The following MYCBP2 variants were observed in gnomAD, a reference collection of about 807,000 sequenced individuals.
MYCBP2 encodes E3 ubiquitin-protein ligase MYCBP2.
MYCBP2 carries 120 observed loss-of-function variants against 525.3 expected under a neutral mutation model. The ratio of observed to expected loss-of-function variants is 0.23; its 90% CI spans 0.20 to 0.27. The LOEUF (loss-of-function observed/expected upper bound fraction) is 0.27. Among genes scored for constraint, MYCBP2 ranks in the 10% least tolerant of loss-of-function variants. The probability of loss-of-function intolerance (pLI) is 1.00; values close to 1 mark genes in which losing one functional copy is unlikely to be tolerated. For synonymous variants in MYCBP2, 1,894 were observed against 1,955.8 expected (o/e 0.97, Z 0.83); for missense variants, 4,149 against 5,657.1 (o/e 0.73, Z 8.55).
chr13:77,217,623 T>A (rs2065003968), intron 21 of MYCBP2, among the ~76,000 whole-genome samples: 1 of 152,122 alleles, frequency 6.6e-6, no homozygotes, highest in Admixed American at 6.5e-5. Flanking sequence ...AGCTGTTAAA[T>A]TCAATAAATT....
intron 40 of MYCBP2, among the ~76,000 whole-genome samples, chr13:77,166,976 T>TACACACACAC (rs539593054): frequency 3.9e-5 from 5 of 127,142 alleles, no homozygotes; most frequent in African/African-American, 1.6e-4. Context: ...AACACACACA[T>TACACACACAC]ACACACACAC....
Position 77,208,392 on chromosome 13 carries a change from A to G in MYCBP2, c.3417-1567T>C, listed in dbSNP as rs74679458. Among the ~76,000 whole-genome samples, 254 of 152,354 alleles carry G rather than the reference A, an allele frequency of 1.7e-3. 4 individuals carry two copies. The highest frequency in any genetic ancestry group is 5.4e-3 in the African/African-American group (225 of 41,580). ...TGCAGAAATACTTCCACATGTGTGT[A>G]AAACTCTGTGTGTAGATACCTGTGT... On this transcript the variant is annotated intron_variant, in intron 23 of 82. Transcript: ENST00000544440.
intron 49 of MYCBP2, 104 bp from the exon 50 acceptor site, chr13:77,141,047 C>A: frequency 1.3e-6 from 1 of 770,464 alleles, no homozygotes; most frequent in Non-Finnish European, 2.1e-6. Context: ...AAAATTAACA[C>A]AAATATCTGA....
At chr13:77,275,834 A>G (rs2075487755) in intron 4 of MYCBP2, among the ~76,000 whole-genome samples, 1 of 152,158 alleles carries the variant, frequency 6.6e-6, no homozygotes. Context: ...AAATACAAAA[A>G]TTAGCCGGGC....
intron 36 of MYCBP2, among the ~76,000 whole-genome samples, 155 bp from the exon 37 acceptor site, chr13:77,174,644 C>T (rs1387955795): frequency 1.3e-5 from 2 of 151,536 alleles, no homozygotes; most frequent in African/African-American, 4.9e-5. Flanking sequence ...AACACGATGA[C>T]GGCTAACATT....
chr13:77,277,185 G>A (rs1359569726), intron 4 of MYCBP2, among the ~76,000 whole-genome samples: 1 of 152,092 alleles, frequency 6.6e-6, no homozygotes, highest in Non-Finnish European at 1.5e-5. Flanking sequence ...GTCTTCGCGG[G>A]TATTTCAACA....
intron 1 of MYCBP2, among the ~76,000 whole-genome samples, chr13:77,323,216 C>T (rs1256614700): frequency 6.6e-6 from 1 of 152,154 alleles, no homozygotes; most frequent in Admixed American, 6.5e-5. Context: ...AATGACAAAA[C>T]CAGGATGCAA....
intron 74 of MYCBP2, among the ~76,000 whole-genome samples, chr13:77,062,328 AATTTTGATATG>A (rs1475523942): frequency 6.6e-6 from 1 of 152,184 alleles, no homozygotes; most frequent in Non-Finnish European, 1.5e-5. Flanking sequence ...GCTAAAAATA[AATTTTGATATG>A]ATGCAAACAT....
intron 82 of MYCBP2, among the ~76,000 whole-genome samples, chr13:77,047,919 T>A (rs2035915724): frequency 6.6e-6 from 1 of 152,026 alleles, no homozygotes; most frequent in Non-Finnish European, 1.5e-5. Flanking sequence ...CACGGGAGCA[T>A]CCTGTTTGGG....
At chr13:77,171,336 G>A (rs2059125015) in intron 38 of MYCBP2, among the ~76,000 whole-genome samples, 156 bp downstream of exon 38, 1 of 152,190 alleles carries the variant, frequency 6.6e-6, no homozygotes, top group African/African-American at 2.4e-5. Flanking sequence ...AGTATGGAGA[G>A]TGTGACCTAT....
At chr13:77,180,851 T>C (rs1250787701) in intron 33 of MYCBP2, among the ~76,000 whole-genome samples, 3 of 151,976 alleles carry the variant, frequency 2.0e-5, no homozygotes, top group Admixed American at 6.6e-5. Context: ...GTCCAGGAGG[T>C]TGAGGTTGCA....
intron 8 of MYCBP2, among the ~76,000 whole-genome samples, chr13:77,266,990 G>A (rs1450594666): frequency 1.3e-5 from 2 of 152,054 alleles, no homozygotes; most frequent in South Asian, 2.1e-4. Context: ...TGCAGCCCAG[G>A]AGCAATTATT....
At chr13:77,209,270 C>T (rs535295558) in intron 23 of MYCBP2, among the ~76,000 whole-genome samples, 4 of 152,272 alleles carry the variant, frequency 2.6e-5, no homozygotes, top group South Asian at 4.1e-4. Flanking sequence ...TAAGACCCCA[C>T]GGAAATGGTT....
chr13:77,141,693 C>A (rs1313702322), intron 49 of MYCBP2, among the ~76,000 whole-genome samples: 2 of 151,306 alleles, frequency 1.3e-5, no homozygotes, highest in East Asian at 3.9e-4. Flanking sequence ...ATTGCTTGAA[C>A]CTGTGAGGTG....
intron 36 of MYCBP2, among the ~76,000 whole-genome samples, chr13:77,175,260 T>C (rs1166437575): frequency 2.6e-5 from 4 of 151,906 alleles, no homozygotes; most frequent in Non-Finnish European, 5.9e-5. Context: ...CATAAGCTGA[T>C]ACTTTTCCTT....
intron 69 of MYCBP2, among the ~76,000 whole-genome samples, chr13:77,069,223 T>C (rs1450645184): frequency 6.6e-6 from 1 of 152,214 alleles, no homozygotes; most frequent in African/African-American, 2.4e-5. Context: ...AAATTATACA[T>C]GACATTTTAC....
chr13:77,153,064 C>CAAAAA (rs34811244), intron 46 of MYCBP2, among the ~76,000 whole-genome samples: 2 of 78,922 alleles, frequency 2.5e-5, no homozygotes, highest in African/African-American at 4.9e-5. Flanking sequence ...GACTCTGTCT[C>CAAAAA]AAAAAAAAAA....
intron 38 of MYCBP2, 116 bp from the exon 39 acceptor site, chr13:77,169,830 C>T (rs1037605784): frequency 1.2e-6 from 1 of 824,176 alleles, no homozygotes; most frequent in Non-Finnish European, 2.0e-6. Flanking sequence ...TAGTTGACAC[C>T]AATTGGGTGC....
chr13:77,321,422 C>T (rs1165776667), intron 1 of MYCBP2, among the ~76,000 whole-genome samples: 1 of 152,230 alleles, frequency 6.6e-6, no homozygotes, highest in African/African-American at 2.4e-5. Flanking sequence ...CAGATGTACA[C>T]ATACAGATTC....
Sources: allele counts gnomAD v4.1 joint callset (sites outside exome capture counted in the v4.1 genomes callset), GRCh38; gene constraint gnomAD v4.1.1; transcripts MANE v1.5; gene names NCBI Gene and HGNC (gene_info 2026-07-23, HGNC 2026-07-21).